The following GABRB1 variants were observed in gnomAD, a reference collection of about 807,000 sequenced individuals.
GABRB1 encodes the protein gamma-aminobutyric acid receptor subunit beta-1.
In GABRB1, 17 loss-of-function variants were observed where a neutral mutation model predicts 51.6. That is an observed-to-expected ratio of 0.33 (90% confidence interval 0.23 to 0.49). The LOEUF is 0.49. Among genes scored for constraint, GABRB1 ranks in the 20% least tolerant of loss-of-function variants. The pLI is 0.99. For synonymous variants in GABRB1, 247 were observed against 218.9 expected (o/e 1.13, Z -1.14); for missense variants, 410 against 600.6 (o/e 0.68, Z 3.32).
chr4:47,276,703 C>G (rs542507463), intron 4 of GABRB1, among the ~76,000 whole-genome samples: 1 of 152,084 alleles, frequency 6.6e-6, no homozygotes, highest in African/African-American at 2.4e-5. Flanking sequence ...AATCTTATTA[C>G]GCTAATGCAG....
In GABRB1 at chr4:47,161,403, A is replaced by C; in HGVS notation, c.395A>C (p.His132Pro). 1.2e-6 allele frequency: 2 copies of C among 1,612,812 alleles called. No homozygotes were observed. Among genetic ancestry groups the C allele is most frequent in the Non-Finnish European group, 1.7e-6 (2 of 1,179,242 alleles). The change falls in exon 4 of 9, where the codon CAT becomes CCT. Residue 132 changes from histidine to proline, a missense_variant. By Grantham distance (77) the His-to-Pro change is moderately conservative (BLOSUM62 -2). Around this residue, in one of 5 missense-constraint regions of GABRB1, gnomAD observed 100 missense variants for 184.3 expected, o/e 0.54. Transcript: ENST00000295454. ...YFLNDKKSFV[H>P]GVTVKNRMIR... ...CTGAATGACAAGAAATCATTTGTGC[A>C]TGGGGTCACAGTGAAAAATCGAATG...
At chr4:47,245,536 A>G (rs537195146) in intron 4 of GABRB1, among the ~76,000 whole-genome samples, 1 of 152,276 alleles carries the variant, frequency 6.6e-6, no homozygotes, top group South Asian at 2.1e-4. Flanking sequence ...GCATCTCCAC[A>G]AAAGTGGAGA....
At chr4:47,040,946 A>G (rs931758746) in intron 3 of GABRB1, among the ~76,000 whole-genome samples, 1 of 152,156 alleles carries the variant, frequency 6.6e-6, no homozygotes, top group Non-Finnish European at 1.5e-5. Context: ...AGATGCCTTT[A>G]TAAAACCTTA....
chr4:47,418,760 A>G (rs947095793), intron 8 of GABRB1, among the ~76,000 whole-genome samples: 12 of 152,208 alleles, frequency 7.9e-5, no homozygotes, highest in Admixed American at 5.9e-4. Context: ...TAGATGGGAC[A>G]CTCAGTGGAA....
intron 8 of GABRB1, among the ~76,000 whole-genome samples, chr4:47,420,280 G>A (rs1185786493): frequency 6.6e-6 from 1 of 152,110 alleles, no homozygotes; most frequent in Admixed American, 6.5e-5. Context: ...CTACCACATA[G>A]GTCAGTGGGG....
intron 3 of GABRB1, among the ~76,000 whole-genome samples, chr4:47,091,592 C>A (rs771182584): frequency 6.6e-6 from 1 of 152,110 alleles, no homozygotes; most frequent in Admixed American, 6.6e-5. Flanking sequence ...TAGAAGCCAC[C>A]CCAGAAGTTG....
upstream of GABRB1, among the ~76,000 whole-genome samples, chr4:47,031,155 A>G (rs562517712): frequency 2.5e-4 from 38 of 150,938 alleles, 1 homozygote; most frequent in Non-Finnish European, 2.2e-4. Context: ...ACCCCCACCC[A>G]CAACCCCCGC....
chr4:47,393,902 G>A (rs946223456), intron 5 of GABRB1, among the ~76,000 whole-genome samples: 14 of 152,224 alleles, frequency 9.2e-5, no homozygotes, highest in African/African-American at 3.4e-4. Flanking sequence ...CTACAAGTAG[G>A]TGTATTGCAA....
intron 4 of GABRB1, among the ~76,000 whole-genome samples, chr4:47,234,251 G>T (rs1721241277): frequency 1.3e-5 from 2 of 152,124 alleles, no homozygotes; most frequent in African/African-American, 4.8e-5. Context: ...ACTTTGGAAG[G>T]CCAAGGCGGG....
chr4:47,403,037 C>A (rs1404495883), intron 5 of GABRB1, among the ~76,000 whole-genome samples: 1 of 152,144 alleles, frequency 6.6e-6, no homozygotes, highest in African/African-American at 2.4e-5. Context: ...TCAAGGAATG[C>A]AAATTAGTAG....
At chr4:47,136,530 A>G (rs1016641845) in intron 3 of GABRB1, among the ~76,000 whole-genome samples, 3 of 151,978 alleles carry the variant, frequency 2.0e-5, no homozygotes, top group South Asian at 4.2e-4. Context: ...AAAAAAATAT[A>G]TAAAAACAAA....
At chr4:47,053,510 C>T (rs755147223) in intron 3 of GABRB1, among the ~76,000 whole-genome samples, 16 of 152,268 alleles carry the variant, frequency 1.1e-4, no homozygotes, top group Admixed American at 5.2e-4. Flanking sequence ...TATAATCTCC[C>T]CAAATCCCCA....
intron 4 of GABRB1, among the ~76,000 whole-genome samples, chr4:47,307,321 T>C (rs1222828593): frequency 1.3e-5 from 2 of 152,122 alleles, no homozygotes; most frequent in Non-Finnish European, 2.9e-5. Flanking sequence ...TTTGTAGCTT[T>C]TAAATGTGGT....
intron 8 of GABRB1, among the ~76,000 whole-genome samples, chr4:47,422,101 C>T (rs1729109441): frequency 6.6e-6 from 1 of 152,020 alleles, no homozygotes; most frequent in African/African-American, 2.4e-5. Flanking sequence ...ATGACCTTCA[C>T]CATCACCTGA....
chr4:47,078,673 G>A (rs991933780), intron 3 of GABRB1, among the ~76,000 whole-genome samples: 1 of 152,122 alleles, frequency 6.6e-6, no homozygotes, highest in Admixed American at 6.6e-5. Context: ...GTGAGCCTGA[G>A]GATACCTTTT....
At chr4:47,420,565 A>C (rs1200001134) in intron 8 of GABRB1, among the ~76,000 whole-genome samples, 1 of 152,192 alleles carries the variant, frequency 6.6e-6, no homozygotes, top group Non-Finnish European at 1.5e-5. Context: ...TGCTCAACTC[A>C]AATATTGATA....
intron 4 of GABRB1, among the ~76,000 whole-genome samples, chr4:47,174,012 T>C (rs1476755416): frequency 1.3e-5 from 2 of 152,158 alleles, no homozygotes; most frequent in Admixed American, 6.6e-5. Context: ...ATCAGAATTT[T>C]AATTCCAAGT....
At chr4:47,280,066 T>C (rs1455968007) in intron 4 of GABRB1, among the ~76,000 whole-genome samples, 2 of 152,118 alleles carry the variant, frequency 1.3e-5, no homozygotes, top group Non-Finnish European at 2.9e-5. Context: ...GATTCTTTAT[T>C]GTTGCTTTTT....
At chr4:47,422,928 A>C (rs1160957228) in intron 8 of GABRB1, among the ~76,000 whole-genome samples, 1 of 152,038 alleles carries the variant, frequency 6.6e-6, no homozygotes, top group Admixed American at 6.5e-5. Flanking sequence ...TGCCAAATCA[A>C]TTTCATTTCT....
Sources: allele counts gnomAD v4.1 joint callset (sites outside exome capture counted in the v4.1 genomes callset), GRCh38; gene constraint gnomAD v4.1.1; regional missense constraint gnomAD v4.1.1; transcripts MANE v1.5; gene names NCBI Gene and HGNC (gene_info 2026-07-23, HGNC 2026-07-21).